HECTD2: variants seen among roughly 807,000 people sequenced by gnomAD.
HECTD2 encodes probable E3 ubiquitin-protein ligase HECTD2.
A neutral mutation model predicts 103.2 loss-of-function variants in HECTD2; 35 were observed. The ratio of observed to expected loss-of-function variants is 0.34; its 90% CI spans 0.26 to 0.45. The LOEUF (loss-of-function observed/expected upper bound fraction) is 0.45. HECTD2 is among the 20% of genes least tolerant of loss of function. HECTD2 has a pLI of 1.00. For synonymous variants in HECTD2, 281 were observed against 329.9 expected, an observed-to-expected ratio of 0.85 and a Z score of 1.61; for missense variants, 596 against 937.4, an observed-to-expected ratio of 0.64 and a Z score of 4.76.
intron 1 of HECTD2, among the ~76,000 whole-genome samples, chr10:91,418,511 T>C (rs1843222213): frequency 6.6e-6 from 1 of 152,116 alleles, no homozygotes; most frequent in Non-Finnish European, 1.5e-5. Context: ...AGATATGATT[T>C]ATATAACTTA....
Position 91,455,475 on chromosome 10 carries a change from A to C in HECTD2, c.269-4952A>C, listed in dbSNP as rs537752657. On this transcript the variant is annotated intron_variant, in intron 2 of 20. Coordinates refer to ENST00000298068, the MANE Select transcript of HECTD2 (RefSeq NM_182765.6). ...TCTTTGTAGATTCTGGATATGAGCC[A>C]TTTGTCAGATGAGTAGATTGCAAAA... Among the ~76,000 whole-genome samples, 7 of 152,048 alleles carry C rather than the reference A, an allele frequency of 4.6e-5. No individual in the cohort carries two copies. In the South Asian group the frequency reaches 6.2e-4, roughly 14 times the overall value.
chr10:91,469,542 A>G (rs980666080), intron 5 of HECTD2, among the ~76,000 whole-genome samples: 2 of 152,372 alleles, frequency 1.3e-5, no homozygotes, highest in African/African-American at 4.8e-5. Context: ...TACTTTTCTG[A>G]TAAGTAAATG....
At chr10:91,459,265 G>A (rs895952769) in intron 2 of HECTD2, among the ~76,000 whole-genome samples, 3 of 151,980 alleles carry the variant, frequency 2.0e-5, no homozygotes, top group Non-Finnish European at 2.9e-5. Flanking sequence ...GTGGGAATGT[G>A]AAATGGTACA....
In HECTD2 at chr10:91,504,947, G is replaced by C. The variant is rs917638859; in HGVS notation, c.2210+3613G>C. Among the ~76,000 whole-genome samples, 23 of 152,170 alleles carry C rather than the reference G, an allele frequency of 1.5e-4. No homozygotes were observed. The South Asian group carries it at 2.7e-3, about 18-fold the overall frequency. ...GGATCTCTTGGCAGAAACCCTACAA[G>C]CCAGAAGAGAGTGGGGACCAATATT... On this transcript the variant is annotated intron_variant, in intron 20 of 20. Coordinates refer to ENST00000298068, the MANE Select transcript of HECTD2 (RefSeq NM_182765.6).
Position 91,438,947 on chromosome 10 carries a change from G to T in HECTD2, c.268+13537G>T, listed in dbSNP as rs150350607. 1.9e-3 allele frequency among the ~76,000 whole-genome samples: 283 copies of T among 152,238 alleles called. 5 individuals are homozygous for T. In the East Asian group the frequency reaches 0.038, roughly 20 times the overall value. Reference sequence around the variant, plus strand: ...GTAGGTTGATTTTTCTTGCAAATTTGTTGAAGTTCCTTGTAGATTTTGGAT... The same window carrying T: ...GTAGGTTGATTTTTCTTGCAAATTTTTTGAAGTTCCTTGTAGATTTTGGAT... On this transcript the variant is annotated intron_variant, in intron 2 of 20. Transcript: ENST00000298068.
At chr10:91,439,446 C>A (rs547057039) in intron 2 of HECTD2, among the ~76,000 whole-genome samples, 4 of 152,098 alleles carry the variant, frequency 2.6e-5, no homozygotes, top group Middle Eastern at 6.8e-3. Flanking sequence ...ATATATATAT[C>A]TGTTTTGGTA....
Position 91,425,423 on chromosome 10 carries a change from T to G in HECTD2, c.268+13T>G, listed in dbSNP as rs1483322544. ...AACATCAAGAATGGTAAATAATTTTTAAATATATTTTGGCTAAAAGTATAT... is the reference window on the plus strand; with the variant it reads ...AACATCAAGAATGGTAAATAATTTTGAAATATATTTTGGCTAAAAGTATAT... On this transcript the variant is annotated intron_variant, in intron 2 of 20. Coordinates refer to ENST00000298068, the MANE Select transcript of HECTD2 (RefSeq NM_182765.6). 2 of 1,471,678 alleles carry G rather than the reference T, an allele frequency of 1.4e-6. No individual in the cohort carries two copies. The highest frequency in any genetic ancestry group is 1.8e-6 in the Non-Finnish European group (2 of 1,103,284). 91.2% of individuals were successfully genotyped at this position (1,471,678 alleles called of 1,614,324 possible). A position where few individuals can be genotyped will look rare whatever the true frequency, so the allele number is the denominator to read the frequency against.
At chr10:91,460,334 T>C (rs1845291776) in intron 2 of HECTD2, 93 bp from the exon 3 acceptor site, 1 of 1,088,882 alleles carries the variant, frequency 9.2e-7, no homozygotes, top group Non-Finnish European at 1.3e-6. Context: ...AAATAATTCA[T>C]TTGTTTTCTG....
In HECTD2 at chr10:91,512,184, C is replaced by T. The variant is rs147521028; in HGVS notation, c.2211-80C>T. 1.1e-3 allele frequency: 1,596 copies of T among 1,423,242 alleles called. 23 individuals are homozygous for T. In the African/African-American group the frequency reaches 0.021, roughly 19 times the overall value. The allele number at this position is 1,423,242 out of a possible 1,614,324, so 88.2% of individuals were successfully genotyped here. On this transcript the variant is annotated intron_variant, in intron 20 of 20. Coordinates refer to ENST00000298068, the MANE Select transcript of HECTD2 (RefSeq NM_182765.6). ...TGAAATAGATTTGAATGTGTGTGTC[C>T]TGGTATTTTTTAAAGTTGCATAGCA...
At chr10:91,417,819 T>C (rs1011139370) in intron 1 of HECTD2, among the ~76,000 whole-genome samples, 5 of 152,180 alleles carry the variant, frequency 3.3e-5, no homozygotes, top group Admixed American at 3.3e-4. Context: ...AGTGCCGCAA[T>C]AAACATACGT....
In HECTD2 at chr10:91,484,498, C is replaced by A. The variant is rs773490107; in HGVS notation, c.822-9C>A. The A allele has an allele frequency of 6.3e-7, 1 of 1,595,144 alleles. No individual in the cohort carries two copies. Among genetic ancestry groups the A allele is most frequent in the Admixed American group, 1.8e-5 (1 of 55,376 alleles). The stretch of plus-strand genomic sequence containing the variant: ...ATTTTGATTGCAATTATTTTGAAAT[C>A]TTTACCAGATTGTCCCAGAAGAGGT... On this transcript the variant is annotated splice_polypyrimidine_tract_variant and intron_variant, in intron 8 of 20. Coordinates refer to ENST00000298068, the MANE Select transcript of HECTD2 (RefSeq NM_182765.6).
In HECTD2 at chr10:91,514,425, T is replaced by A. The variant is rs1414186351; in HGVS notation, c.*2041T>A. ...CCTTTATTTATTTGTGCTCTGTTTT[T>A]GGTTTACAGTGTAATAATACCTCAT... On this transcript the variant is annotated 3_prime_UTR_variant, in exon 21 of 21. Transcript: ENST00000298068. The A allele has an allele frequency of 6.6e-6, 1 of 152,656 alleles. No homozygotes were observed. The highest frequency in any genetic ancestry group is 6.5e-5 in the Admixed American group (1 of 15,274). 9.5% of individuals were successfully genotyped at this position (152,656 alleles called of 1,614,324 possible). A position where few individuals can be genotyped will look rare whatever the true frequency, so the allele number is the denominator to read the frequency against.
intron 20 of HECTD2, among the ~76,000 whole-genome samples, chr10:91,505,416 G>A (rs911724053): frequency 3.9e-5 from 6 of 152,044 alleles, no homozygotes; most frequent in Non-Finnish European, 7.4e-5. Flanking sequence ...CAAAATAAAG[G>A]GATGGAGGAA....
chr10:91,431,597 C>G (rs964501809), intron 2 of HECTD2, among the ~76,000 whole-genome samples: 3 of 151,944 alleles, frequency 2.0e-5, no homozygotes, highest in Non-Finnish European at 2.9e-5. Context: ...TCTTTTTTCT[C>G]TAAACTTCCC....
At chr10:91,506,765 C>G (rs1160398466) in intron 20 of HECTD2, among the ~76,000 whole-genome samples, 3 of 152,032 alleles carry the variant, frequency 2.0e-5, no homozygotes, top group Non-Finnish European at 4.4e-5. Context: ...TCCTCCCTAA[C>G]TCATTTTATG....
chr10:91,461,272 T>C lies in HECTD2; in HGVS notation c.426T>C (p.Val142=). 6.6e-7 allele frequency: 1 copy of C among 1,520,886 alleles called. No individual in the cohort carries two copies. The allele number at this position is 1,520,886 out of a possible 1,614,324, so 94.2% of individuals were successfully genotyped here. The change falls in exon 4 of 21, where the codon GTT becomes GTC. Residue 142 remains valine, a synonymous_variant. Transcript: ENST00000298068. ...ATTTTAGGGAAGATGTAGAAAAAGT[T>C]AAGTCATCAGGAGATTGGAAAGCAG... ...VKDFQEDVEK[V]KSSGDWKAVH...
rs556035413 is a variant in HECTD2, at chr10:91,469,952, CCAA to C, written c.600+7775_600+7777del. 3.5e-4 allele frequency among the ~76,000 whole-genome samples: 53 copies of C among 152,216 alleles called. 1 individual carries two copies. The highest frequency in any genetic ancestry group is 2.6e-3 in the Admixed American group (40 of 15,292). ...ACTTCAGACAAAACAGACTTTTAAA[CCAA>C]CAACAATCAAAAAAGACAAGAGCAT... is the stretch of plus-strand genomic sequence containing the variant. On this transcript the variant is annotated intron_variant, in intron 5 of 20. Transcript: ENST00000298068.
In HECTD2 at chr10:91,414,683, CA is replaced by C. The variant is rs148978365; in HGVS notation, c.138+4108del. ...AAGGTAATTATTTAAGCTGGCTGGC[CA>C]TTGAAAAATGATAGGATTTGGATAG... On this transcript the variant is annotated intron_variant, in intron 1 of 20. Transcript: ENST00000298068. Among the ~76,000 whole-genome samples the C allele has an allele frequency of 5.4e-3, 815 of 152,242 alleles. 4 individuals carry two copies. The highest frequency in any genetic ancestry group is 0.019 in the African/African-American group (781 of 41,532).
rs555846244 is a variant in HECTD2, at chr10:91,511,986, A to G, written c.2211-278A>G. Among the ~76,000 whole-genome samples the G allele has an allele frequency of 8.5e-5, 13 of 152,340 alleles. 1 individual carries two copies. The East Asian group carries it at 2.5e-3, about 29-fold the overall frequency. ...AGTGGGGAAAGCAGAATTCAAATTCATATCTGTCTGACTCCAACAAAATGC... is the reference window on the plus strand; with the variant it reads ...AGTGGGGAAAGCAGAATTCAAATTCGTATCTGTCTGACTCCAACAAAATGC... On this transcript the variant is annotated intron_variant, in intron 20 of 20. Transcript: ENST00000298068.
Sources: allele counts gnomAD v4.1 joint callset (sites outside exome capture counted in the v4.1 genomes callset), GRCh38; gene constraint gnomAD v4.1.1; transcripts MANE v1.5; gene names NCBI Gene and HGNC (gene_info 2026-07-23, HGNC 2026-07-21).